Variants in PAQR5 observed in about 807,000 individuals in gnomAD.
PAQR5 encodes the protein membrane progestin receptor gamma.
PAQR5 carries 20 observed loss-of-function variants against 34.5 expected under a neutral mutation model. The ratio of observed to expected loss-of-function variants is 0.58; its 90% CI spans 0.41 to 0.84. The LOEUF is 0.84. Among genes scored for constraint, PAQR5 ranks in the 40% least tolerant of loss-of-function variants. The pLI, the probability that PAQR5 is intolerant of heterozygous loss-of-function variation, is 0.00. For missense variants in PAQR5, 378 were observed against 412.7 expected (o/e 0.92, Z 0.73); for synonymous variants, 131 against 155.6 (o/e 0.84, Z 1.18).
intron 2 of PAQR5, among the ~76,000 whole-genome samples, chr15:69,349,576 A>G (rs1009475467): frequency 2.0e-5 from 3 of 152,136 alleles, no homozygotes; most frequent in Non-Finnish European, 4.4e-5. Flanking sequence ...TGGCTGAAAC[A>G]TGAATCAAAA....
Position 69,400,024 on chromosome 15 carries a change from C to G in PAQR5, c.660C>G (p.His220Gln), listed in dbSNP as rs754695584. The change falls in exon 8 of 9, where the codon CAC (histidine) becomes CAG (glutamine). Residue 220 changes from histidine (H) to glutamine (Q), a missense_variant. By Grantham distance (24) the His-to-Gln change is conservative. Transcript: ENST00000395407. ...ESAQNEATSY[H>Q]QKHMIMTLLA... ...CACAAAATGAAGCCACCTCGTACCA[C>G]CAGAAGCACATGATCATGACCCTCC... The G allele has an allele frequency of 1.2e-6, 2 of 1,614,166 alleles. No homozygotes were observed. Among genetic ancestry groups the G allele is most frequent in the South Asian group, 2.2e-5 (2 of 91,084 alleles).
intron 5 of PAQR5, among the ~76,000 whole-genome samples, chr15:69,387,117 C>G (rs2056133874): frequency 1.3e-5 from 2 of 152,220 alleles, no homozygotes; most frequent in South Asian, 4.1e-4. Flanking sequence ...CCTCACCCAG[C>G]CCCTGGAGGC....
At chr15:69,397,388 C>T (rs764492724) in intron 6 of PAQR5, 80 bp from the exon 7 acceptor site, 23 of 902,930 alleles carry the variant, frequency 2.5e-5, no homozygotes, top group South Asian at 6.5e-5. Context: ...ACCAGGCCCT[C>T]GGTGTGCATG....
At chr15:69,358,059 G>A (rs1567018815) in intron 2 of PAQR5, among the ~76,000 whole-genome samples, 1 of 152,170 alleles carries the variant, frequency 6.6e-6, no homozygotes, top group Non-Finnish European at 1.5e-5. Flanking sequence ...TCTGACTGAT[G>A]AGGACTATGA....
intron 5 of PAQR5, among the ~76,000 whole-genome samples, chr15:69,386,949 G>A (rs1595926949): frequency 6.6e-6 from 1 of 152,004 alleles, no homozygotes; most frequent in Non-Finnish European, 1.5e-5. Flanking sequence ...ACTAATCCTC[G>A]GGGTCCCCTT....
chr15:69,365,289 A>C (rs1431521375), intron 3 of PAQR5, among the ~76,000 whole-genome samples: 1 of 148,358 alleles, frequency 6.7e-6, no homozygotes, highest in East Asian at 2.1e-4. Flanking sequence ...GTATTTTTTA[A>C]TAGAGATGGG....
intron 1 of PAQR5, among the ~76,000 whole-genome samples, chr15:69,305,949 T>C (rs2140522047): frequency 6.6e-6 from 1 of 152,254 alleles, no homozygotes; most frequent in South Asian, 2.1e-4. Context: ...ACTGTGAGGT[T>C]TGGGATAGTA....
chr15:69,359,088 A>G (rs1401977960), intron 2 of PAQR5, among the ~76,000 whole-genome samples: 4 of 152,204 alleles, frequency 2.6e-5, no homozygotes, highest in Non-Finnish European at 5.9e-5. Flanking sequence ...CCCATTCCTC[A>G]TAGATGTCTC....
chr15:69,317,112 C>A (rs996517227), intron 1 of PAQR5, among the ~76,000 whole-genome samples: 5 of 152,228 alleles, frequency 3.3e-5, no homozygotes, highest in African/African-American at 1.2e-4. Context: ...AGCCACTGCA[C>A]CCAGTCCACA....
chr15:69,372,926 C>T (rs2055603392), intron 3 of PAQR5, among the ~76,000 whole-genome samples: 1 of 152,178 alleles, frequency 6.6e-6, no homozygotes, highest in African/African-American at 2.4e-5. Context: ...AATATATGAT[C>T]TTACAGTCCT....
At chr15:69,393,741 C>A (rs934426101) in intron 6 of PAQR5, among the ~76,000 whole-genome samples, 1 of 152,146 alleles carries the variant, frequency 6.6e-6, no homozygotes, top group African/African-American at 2.4e-5. Flanking sequence ...CTGATGCTTG[C>A]CCGAAAATCA....
intron 2 of PAQR5, among the ~76,000 whole-genome samples, chr15:69,358,505 G>A (rs894331798): frequency 6.6e-6 from 1 of 152,130 alleles, no homozygotes; most frequent in Non-Finnish European, 1.5e-5. Context: ...CTGGTGGAGT[G>A]GAGAGTGAGC....
intron 2 of PAQR5, among the ~76,000 whole-genome samples, chr15:69,344,383 C>T (rs1302347545): frequency 6.6e-6 from 1 of 152,180 alleles, no homozygotes; most frequent in African/African-American, 2.4e-5. Flanking sequence ...CTCATTTCTC[C>T]AAAGAAACAG....
intron 6 of PAQR5, among the ~76,000 whole-genome samples, chr15:69,395,155 G>C (rs946006913): frequency 1.1e-4 from 16 of 152,176 alleles, no homozygotes; most frequent in Admixed American, 9.2e-4. Context: ...GGCCTGCCGC[G>C]GCAGGGCAGG....
chr15:69,374,070 G>A (rs748889793), intron 3 of PAQR5, among the ~76,000 whole-genome samples: 2 of 151,910 alleles, frequency 1.3e-5, no homozygotes. Flanking sequence ...ATATTATACT[G>A]CATGTACAAA....
intron 1 of PAQR5, among the ~76,000 whole-genome samples, chr15:69,315,201 G>A (rs957853805): frequency 7.2e-5 from 11 of 152,164 alleles, no homozygotes; most frequent in African/African-American, 1.9e-4. Context: ...GCCTTCACAC[G>A]ACTGCAACTG....
chr15:69,364,494 T>C (rs1056906965), intron 3 of PAQR5, among the ~76,000 whole-genome samples: 3 of 148,056 alleles, frequency 2.0e-5, no homozygotes, highest in Non-Finnish European at 4.5e-5. Flanking sequence ...ATATACATTA[T>C]ATATGTTATA....
chr15:69,334,948 C>T (rs1321987788), intron 1 of PAQR5, among the ~76,000 whole-genome samples: 6 of 152,120 alleles, frequency 3.9e-5, no homozygotes, highest in East Asian at 2.0e-4. Flanking sequence ...ATTGGCTGGG[C>T]GCGGTGGCTC....
chr15:69,385,297 C>G lies in PAQR5; in HGVS notation c.385+415C>G, dbSNP rs960233487. Among the ~76,000 whole-genome samples, 1 of 152,140 alleles carries G rather than the reference C, an allele frequency of 6.6e-6. No homozygotes were observed. Among genetic ancestry groups the G allele is most frequent in the Non-Finnish European group, 1.5e-5 (1 of 68,038 alleles). ...TTTGTTAATATGATTTATTTAATTGCAAGTTTCTGTGATTTAATTTTTAAT... is the reference window on the plus strand; with the variant it reads ...TTTGTTAATATGATTTATTTAATTGGAAGTTTCTGTGATTTAATTTTTAAT... On this transcript the variant is annotated intron_variant, in intron 5 of 8. Transcript: ENST00000395407. This position sits in a 1 kb window ranked among gnomAD's most constrained non-coding sequence, Gnocchi z 4.7.
Sources: gnomAD v4.1 joint callset for allele counts (sites outside exome capture counted in the v4.1 genomes callset) on GRCh38, gnomAD v4.1.1 for gene constraint, Gnocchi (gnomAD v3.1) non-coding constraint, MANE v1.5 for transcripts, NCBI Gene and HGNC (gene_info 2026-07-23, HGNC 2026-07-21) for gene names.